Variants in PLEKHH2 observed in about 807,000 individuals in gnomAD.
PLEKHH2 encodes the protein pleckstrin homology, MyTH4 and FERM domain containing H2, also known as pleckstrin homology domain-containing family H member 2.
Under a neutral mutation model 187.9 loss-of-function variants are expected in PLEKHH2, and 129 were observed. That is an observed-to-expected ratio of 0.69 (90% CI 0.59 to 0.79). The LOEUF is 0.79. PLEKHH2 is among the 30% of genes least tolerant of loss of function. The pLI is 0.00. For missense variants in PLEKHH2, 2,076 were observed against 1,751.2 expected (o/e 1.19, Z -3.31); for synonymous variants, 686 against 605.6 (o/e 1.13, Z -1.95).
At chr2:43,692,324 C>T in intron 3 of PLEKHH2, 190 bp from the exon 4 acceptor site, 1 of 447,204 alleles carries the variant, frequency 2.2e-6, no homozygotes, top group South Asian at 3.5e-5. Flanking sequence ...GTATGTACCT[C>T]CAAGGTAACA....
intron 25 of PLEKHH2, among the ~76,000 whole-genome samples, chr2:43,755,031 C>T (rs575707771): frequency 1.3e-5 from 2 of 151,992 alleles, no homozygotes. Flanking sequence ...CACCACCATG[C>T]TCTGCTAATT....
At position 43,767,276 on chromosome 2, in the gene PLEKHH2, C is replaced by A. The variant is rs1672654361; in HGVS notation, c.*1678C>A. The A allele has an allele frequency of 6.6e-6, 1 of 152,228 alleles. No homozygotes were observed. Among genetic ancestry groups the A allele is most frequent in the Admixed American group, 6.5e-5 (1 of 15,272 alleles). The allele number at this position is 152,228 out of a possible 1,614,324, so 9.4% of individuals were successfully genotyped here. On this transcript the variant is annotated 3_prime_UTR_variant, in exon 30 of 30. Coordinates refer to ENST00000282406, the MANE Select transcript of PLEKHH2 (RefSeq NM_172069.4). ...CATATTTTCTTCTTTGCTGCCTTCT[C>A]CCTGTGGCAATGTACTGTTCTCACA...
intron 7 of PLEKHH2, 147 bp downstream of exon 7, chr2:43,697,503 ATTTAAC>A: frequency 1.5e-6 from 1 of 655,466 alleles, no homozygotes; most frequent in South Asian, 3.0e-5. Flanking sequence ...GCAATACAAC[ATTTAAC>A]TTTGTGTGTC....
intron 14 of PLEKHH2, chr2:43,711,566 T>C (rs1228208003): frequency 6.2e-6 from 6 of 975,362 alleles, no homozygotes; most frequent in African/African-American, 1.8e-5. Flanking sequence ...TATTTTATTA[T>C]AGTCTTTAAT....
intron 2 of PLEKHH2, among the ~76,000 whole-genome samples, chr2:43,652,642 C>G (rs2104353020): frequency 6.6e-6 from 1 of 152,290 alleles, no homozygotes; most frequent in Non-Finnish European, 1.5e-5. Context: ...CCAGAACACC[C>G]AAGGTTAGGT....
At chr2:43,756,396 G>A (rs1672212858) in intron 25 of PLEKHH2, among the ~76,000 whole-genome samples, 3 of 152,044 alleles carry the variant, frequency 2.0e-5, no homozygotes, top group East Asian at 1.9e-4. Flanking sequence ...GGGTTCAAGC[G>A]ATTCTTCTGC....
chr2:43,762,220 A>G, intron 27 of PLEKHH2, 84 bp from the exon 28 acceptor site: 1 of 1,061,264 alleles, frequency 9.4e-7, no homozygotes, highest in Non-Finnish European at 1.4e-6. Context: ...TTTAATGGCA[A>G]ATGTTACATG....
chr2:43,678,441 G>T (rs1026850163), intron 2 of PLEKHH2, among the ~76,000 whole-genome samples: 15 of 151,646 alleles, frequency 9.9e-5, no homozygotes, highest in African/African-American at 2.9e-4. Flanking sequence ...AGTGAACGAG[G>T]CTCCGTCTGC....
intron 25 of PLEKHH2, among the ~76,000 whole-genome samples, chr2:43,754,198 ACACACAC>A (rs1558623800): frequency 1.5e-5 from 2 of 132,430 alleles, no homozygotes; most frequent in African/African-American, 3.2e-5. Context: ...ACACACACAC[ACACACAC>A]AAAATTAATA....
chr2:43,702,898 C>T (rs1669452483), intron 8 of PLEKHH2, among the ~76,000 whole-genome samples: 1 of 152,126 alleles, frequency 6.6e-6, no homozygotes, highest in African/African-American at 2.4e-5. Flanking sequence ...GCTTGTCCTC[C>T]CAGGCCTCCA....
At chr2:43,709,853 C>A in intron 11 of PLEKHH2, 137 bp from the exon 12 acceptor site, 1 of 923,754 alleles carries the variant, frequency 1.1e-6, no homozygotes, top group Non-Finnish European at 1.6e-6. Flanking sequence ...TTATTTATGG[C>A]CAAAGGAATG....
chr2:43,685,441 C>A (rs749261952), intron 3 of PLEKHH2, among the ~76,000 whole-genome samples: 9 of 151,786 alleles, frequency 5.9e-5, no homozygotes, highest in Non-Finnish European at 1.3e-4. Flanking sequence ...GTTTGTTTGT[C>A]TTTTGAGACA....
intron 26 of PLEKHH2, among the ~76,000 whole-genome samples, chr2:43,758,248 A>G (rs935935931): frequency 6.6e-6 from 1 of 152,048 alleles, no homozygotes. Flanking sequence ...TTTGGGCTCT[A>G]CTACTTGTTT....
chr2:43,694,537 CT>C (rs1194109918), intron 5 of PLEKHH2, 23 bp downstream of exon 5: 2 of 1,511,552 alleles, frequency 1.3e-6, no homozygotes, highest in Admixed American at 2.2e-5. Flanking sequence ...ATATGTTTTC[CT>C]TTTCTTTACC....
intron 3 of PLEKHH2, chr2:43,681,515 C>T (rs1267451206): frequency 2.0e-6 from 3 of 1,531,218 alleles, no homozygotes; most frequent in Non-Finnish European, 2.7e-6. Context: ...CTTTGTGCAG[C>T]TGGCCAGAAA....
At chr2:43,684,819 C>CAAAA (rs534046953) in intron 3 of PLEKHH2, among the ~76,000 whole-genome samples, 1 of 109,822 alleles carries the variant, frequency 9.1e-6, no homozygotes, top group East Asian at 2.8e-4. Flanking sequence ...CTCCCATTAC[C>CAAAA]AAAAAAAAAA....
intron 16 of PLEKHH2, among the ~76,000 whole-genome samples, chr2:43,723,367 G>T (rs1670576536): frequency 6.6e-6 from 1 of 152,094 alleles, no homozygotes; most frequent in Non-Finnish European, 1.5e-5. Flanking sequence ...AAGACTCCAA[G>T]ACATAAAGGT....
intron 19 of PLEKHH2, among the ~76,000 whole-genome samples, chr2:43,736,622 T>C (rs952217642): frequency 3.3e-5 from 5 of 151,912 alleles, no homozygotes; most frequent in African/African-American, 7.3e-5. Context: ...TCACCTGAGA[T>C]CAGGAGTTCG....
chr2:43,694,895 G>A (rs994470621), intron 5 of PLEKHH2, among the ~76,000 whole-genome samples: 4 of 152,012 alleles, frequency 2.6e-5, no homozygotes, highest in African/African-American at 7.2e-5. Flanking sequence ...TAATTTTACA[G>A]TGGAAAAGGC....
Sources: gnomAD v4.1 joint callset for allele counts (sites outside exome capture counted in the v4.1 genomes callset) on GRCh38, gnomAD v4.1.1 for gene constraint, MANE v1.5 for transcripts, NCBI Gene and HGNC (gene_info 2026-07-23, HGNC 2026-07-21) for gene names.